The following PYGB variants were observed in gnomAD, a reference collection of about 807,000 sequenced individuals.
The protein encoded by PYGB is glycogen phosphorylase B, also known as glycogen phosphorylase, brain form.
In PYGB, 82 loss-of-function variants were observed where a neutral mutation model predicts 94.3. That is an observed-to-expected ratio of 0.87 (90% CI 0.73 to 1.04). PYGB has a LOEUF of 1.04. Ranked by LOEUF, PYGB falls within the 50% of genes least tolerant of loss-of-function variation. The pLI, the probability that PYGB is intolerant of heterozygous loss-of-function variation, is 0.00. For synonymous variants in PYGB, 488 were observed against 479.1 expected (o/e 1.02, Z -0.24); for missense variants, 1,132 against 1,158.2 (o/e 0.98, Z 0.33).
At chr20:25,258,767 G>C (rs1195629742) in intron 1 of PYGB, among the ~76,000 whole-genome samples, 2 of 152,378 alleles carry the variant, frequency 1.3e-5, no homozygotes, top group South Asian at 2.1e-4. Context: ...TGCGTTCATT[G>C]GTGCTTCACG....
chr20:25,293,340 C>A (rs1018205613), intron 17 of PYGB, among the ~76,000 whole-genome samples: 5 of 152,196 alleles, frequency 3.3e-5, no homozygotes, highest in Non-Finnish European at 7.3e-5. Context: ...AGGATCCCAT[C>A]AGGGCACTCC....
At chr20:25,285,860 G>A (rs2088413653) in intron 14 of PYGB, among the ~76,000 whole-genome samples, 1 of 152,088 alleles carries the variant, frequency 6.6e-6, no homozygotes, top group African/African-American at 2.4e-5. Context: ...GCAAAGTGCT[G>A]CCCAGCCCTG....
At chr20:25,288,264 C>G (rs1445335422) in intron 14 of PYGB, 161 bp from the exon 15 acceptor site, 5 of 811,628 alleles carry the variant, frequency 6.2e-6, no homozygotes, top group Admixed American at 1.9e-5. Context: ...AGGTGGGTGG[C>G]CAGTGGCCCT....
chr20:25,283,954 T>C (rs1798134822), intron 13 of PYGB, 150 bp from the exon 14 acceptor site: 2 of 856,612 alleles, frequency 2.3e-6, no homozygotes, highest in Non-Finnish European at 3.5e-6. Flanking sequence ...AGAAGACCCC[T>C]GGTGCAATCT....
At chr20:25,250,757 C>G (rs2092885388) in intron 1 of PYGB, among the ~76,000 whole-genome samples, 1 of 152,146 alleles carries the variant, frequency 6.6e-6, no homozygotes. Context: ...ATGTGACACT[C>G]TAGAGCTCCT....
intron 1 of PYGB, among the ~76,000 whole-genome samples, chr20:25,257,347 A>G (rs2092904630): frequency 6.6e-6 from 1 of 152,240 alleles, no homozygotes; most frequent in Non-Finnish European, 1.5e-5. Flanking sequence ...CGATGTCTGC[A>G]TGCAACCTGG....
intron 1 of PYGB, among the ~76,000 whole-genome samples, chr20:25,249,171 C>T (rs2092880385): frequency 6.6e-6 from 1 of 152,212 alleles, no homozygotes; most frequent in South Asian, 2.1e-4. Flanking sequence ...GGCCTGTGTT[C>T]TTGCTGTGTT....
At chr20:25,261,027 G>A (rs1332576385) in intron 2 of PYGB, among the ~76,000 whole-genome samples, 1 of 152,228 alleles carries the variant, frequency 6.6e-6, no homozygotes, top group Non-Finnish European at 1.5e-5. Flanking sequence ...AGGCCTGCCT[G>A]CCTCTGTAGA....
At chr20:25,275,729 G>A (rs568200103) in intron 5 of PYGB, among the ~76,000 whole-genome samples, 1 of 152,356 alleles carries the variant, frequency 6.6e-6, no homozygotes, top group South Asian at 2.1e-4. Flanking sequence ...CAGGCAGGCT[G>A]TGAAGATGGG....
chr20:25,295,537 C>CT (rs1292633260), intron 18 of PYGB, 67 bp from the exon 19 acceptor site: 1 of 1,528,058 alleles, frequency 6.5e-7, no homozygotes, highest in Admixed American at 1.7e-5. Context: ...CCCTGGGACT[C>CT]TCCCCTCGGG....
intron 7 of PYGB, 74 bp from the exon 8 acceptor site, chr20:25,278,245 G>C: frequency 1.6e-6 from 1 of 608,686 alleles, no homozygotes; most frequent in South Asian, 2.6e-5. Flanking sequence ...CTTTGAGCCA[G>C]GTCGCTGACC....
At chr20:25,295,722 G>A in intron 19 of PYGB, 52 bp downstream of exon 19, 3 of 1,522,746 alleles carry the variant, frequency 2.0e-6, no homozygotes, top group Non-Finnish European at 1.8e-6. Flanking sequence ...GGTCCATGTA[G>A]ACGTGTTGGG....
At chr20:25,280,556 C>A (rs773600669) in intron 10 of PYGB, 144 bp downstream of exon 10, 7 of 1,204,358 alleles carry the variant, frequency 5.8e-6, no homozygotes, top group Non-Finnish European at 8.0e-6. Context: ...GGGGGCTGTC[C>A]CTTGGCAGAG....
chr20:25,258,964 TC>T (rs1257761164), intron 1 of PYGB, among the ~76,000 whole-genome samples: 1 of 152,194 alleles, frequency 6.6e-6, no homozygotes, highest in Admixed American at 6.5e-5. Context: ...CTGCCCTGCC[TC>T]CCCACACATC....
rs185096864 is a variant in PYGB at position 25,296,337 on chromosome 20, C to T, written c.2380-33C>T. 5.8e-4 allele frequency: 929 copies of T among 1,612,848 alleles called. 4 individuals are homozygous for T. Among genetic ancestry groups the T allele is most frequent in the Middle Eastern group, 3.5e-3 (21 of 6,062 alleles). ...TTTTTAGCAGCCCCAAGCCCTGTGA[C>T]GCCAGAGACTAATTTCATCTCCTTC... On this transcript the variant is annotated intron_variant, in intron 19 of 19. Coordinates refer to ENST00000216962, the MANE Select transcript of PYGB (RefSeq NM_002862.4).
rs564651581 is a variant in PYGB at position 25,269,361 on chromosome 20, G to T, written c.424+154G>T. Among the ~76,000 whole-genome samples, 13 of 152,266 alleles carry T rather than the reference G, an allele frequency of 8.5e-5. No homozygotes were observed. In the East Asian group the frequency reaches 1.2e-3, roughly 14 times the overall value. On this transcript the variant is annotated intron_variant, in intron 3 of 19. Transcript: ENST00000216962. ...TTCAGATTGAAATCTTGCCACTAGT[G>T]GGGGGAAAGGGGGAAAATGTATGTT...
intron 2 of PYGB, among the ~76,000 whole-genome samples, chr20:25,265,498 G>A (rs952210352): frequency 5.3e-5 from 8 of 151,884 alleles, no homozygotes; most frequent in South Asian, 2.1e-4. Context: ...ATCTTTTCAC[G>A]TGCTTGTGGG....
intron 1 of PYGB, among the ~76,000 whole-genome samples, chr20:25,249,406 C>T (rs1029412290): frequency 1.4e-4 from 22 of 152,262 alleles, no homozygotes; most frequent in African/African-American, 5.3e-4. Flanking sequence ...AAACTCTTGA[C>T]CATGGAGAAT....
intron 18 of PYGB, among the ~76,000 whole-genome samples, chr20:25,295,343 C>T (rs2088524821): frequency 6.6e-6 from 1 of 152,258 alleles, no homozygotes; most frequent in African/African-American, 2.4e-5. Flanking sequence ...GTTTTAAATG[C>T]CAGTTTATTT....
Sources: allele counts gnomAD v4.1 joint callset (sites outside exome capture counted in the v4.1 genomes callset), GRCh38; gene constraint gnomAD v4.1.1; transcripts MANE v1.5; gene names NCBI Gene and HGNC (gene_info 2026-07-23, HGNC 2026-07-21).